USH2A: variants seen among roughly 807,000 people sequenced by gnomAD.
The protein encoded by USH2A is usherin.
A neutral mutation model predicts 538.9 loss-of-function variants in USH2A; 443 were observed. The ratio of observed to expected loss-of-function variants is 0.82; its 90% CI spans 0.76 to 0.89. The LOEUF (loss-of-function observed/expected upper bound fraction) is 0.89. Ranked by LOEUF, USH2A falls within the 40% of genes least tolerant of loss-of-function variation. USH2A has a pLI of 0.00. For synonymous variants in USH2A, 2,413 were observed against 2,273.5 expected, an observed-to-expected ratio of 1.06 and a Z score of -1.75; for missense variants, 6,633 against 6,324.8, an observed-to-expected ratio of 1.05 and a Z score of -1.65.
At position 215,992,892 on chromosome 1, in the gene USH2A, C is replaced by T. The variant is rs576000137; in HGVS notation, c.6805+128G>A. The T allele has an allele frequency of 2.8e-6, 4 of 1,449,460 alleles. No homozygotes were observed. In the East Asian group the frequency reaches 6.8e-5, roughly 25 times the overall value. The allele number at this position is 1,449,460 out of a possible 1,614,324, so 89.8% of individuals were successfully genotyped here. On this transcript the variant is annotated intron_variant, in intron 35 of 71. Coordinates refer to ENST00000307340, the MANE Select transcript of USH2A (RefSeq NM_206933.4). ...ATCTCCCCAACTAGAGACAATGATA[C>T]TATCTTAGGTATTTTATGTGCTAAA...
At chr1:215,697,470 T>C (rs1392924979) in intron 61 of USH2A, among the ~76,000 whole-genome samples, 2 of 152,150 alleles carry the variant, frequency 1.3e-5, no homozygotes, top group Non-Finnish European at 2.9e-5. Flanking sequence ...TTCAAATCTT[T>C]TGGGCTTCTC....
chr1:216,249,917 A>G (rs1343154670), intron 12 of USH2A, among the ~76,000 whole-genome samples: 3 of 152,030 alleles, frequency 2.0e-5, no homozygotes, highest in Admixed American at 6.6e-5. Flanking sequence ...AATCACTGCC[A>G]GGCATATTTT....
chr1:216,217,258 C>A, intron 15 of USH2A, 129 bp downstream of exon 15: 1 of 1,172,646 alleles, frequency 8.5e-7, no homozygotes. Context: ...TTTTTTCCAT[C>A]TCTTACCTAC....
intron 35 of USH2A, among the ~76,000 whole-genome samples, chr1:215,980,715 A>G (rs75674826): frequency 0.014 from 2,064 of 152,210 alleles, 48 homozygotes; most frequent in African/African-American, 0.047. Flanking sequence ...GTTATGTTGT[A>G]TATATAATTT....
In USH2A at chr1:215,674,957, G is replaced by T. The variant is rs762159022; in HGVS notation, c.12954C>A (p.Tyr4318Ter). The change falls in exon 63 of 72, where the codon TAC becomes TAA. Residue 4318 changes from tyrosine to a stop codon, truncating the protein, a stop_gained. Transcript: ENST00000307340. LOFTEE classifies it high-confidence loss of function. ...PFSFDPVTFN[Y>*]TDEELLPFST... ...AAAAAGGAAGAAGCTCTTCATCAGTGTAATTGAAAGTCACAGGATCAAAGC... is the reference window on the plus strand; with the variant it reads ...AAAAAGGAAGAAGCTCTTCATCAGTTTAATTGAAAGTCACAGGATCAAAGC... 11 of 1,614,174 alleles carry T rather than the reference G, an allele frequency of 6.8e-6. No individual in the cohort carries two copies. Among genetic ancestry groups the T allele is most frequent in the Non-Finnish European group, 9.3e-6 (11 of 1,180,020 alleles).
chr1:215,651,047 G>T (rs544719922), intron 64 of USH2A, among the ~76,000 whole-genome samples: 1 of 152,162 alleles, frequency 6.6e-6, no homozygotes, highest in Non-Finnish European at 1.5e-5. Flanking sequence ...GGCCGTTTAG[G>T]ATTTCAGAAT....
chr1:216,002,020 G>A (rs1411768199), intron 32 of USH2A, among the ~76,000 whole-genome samples: 3 of 152,092 alleles, frequency 2.0e-5, no homozygotes, highest in African/African-American at 7.2e-5. Context: ...TATACTTCAA[G>A]GACACTTTGA....
intron 4 of USH2A, among the ~76,000 whole-genome samples, chr1:216,328,371 TA>T (rs2037778486): frequency 1.3e-5 from 2 of 152,146 alleles, no homozygotes; most frequent in African/African-American, 4.8e-5. Flanking sequence ...GTTTGGCAAA[TA>T]TTTTTTCAGA....
In USH2A at chr1:215,790,168, C is replaced by A; in HGVS notation, c.10073G>T (p.Cys3358Phe). 1 of 1,614,032 alleles carries A rather than the reference C, an allele frequency of 6.2e-7. No homozygotes were observed. The highest frequency in any genetic ancestry group is 8.5e-7 in the Non-Finnish European group (1 of 1,179,988). Reference protein sequence around the residue: ...IKKNDPVPVKCCETELIPKSQ... With the variant: ...IKKNDPVPVKFCETELIPKSQ... ...CTTTGGAATAAGTTCAGTCTCACAG[C>A]ATTTTACTGGCACCGGGTCATTCTT... Residue 3358 changes from cysteine to phenylalanine, a missense_variant, in exon 51 of 72, where the codon TGC becomes TTC. By Grantham distance (205) the Cys-to-Phe change is radical. Transcript: ENST00000307340.
At chr1:216,099,984 C>T (rs1211494925) in intron 21 of USH2A, among the ~76,000 whole-genome samples, 2 of 152,122 alleles carry the variant, frequency 1.3e-5, no homozygotes. Context: ...GAACAAGAGC[C>T]TTTAATGGAA....
intron 3 of USH2A, among the ~76,000 whole-genome samples, chr1:216,405,053 G>C (rs557311523): frequency 5.9e-5 from 9 of 151,766 alleles, no homozygotes; most frequent in African/African-American, 2.2e-4. Flanking sequence ...TTTTCGTAAA[G>C]ACAAGGTGCC....
At chr1:215,750,434 A>G (rs2102734129) in intron 58 of USH2A, among the ~76,000 whole-genome samples, 1 of 152,252 alleles carries the variant, frequency 6.6e-6, no homozygotes, top group East Asian at 1.9e-4. Flanking sequence ...GGGGCTCAGA[A>G]ATAATTTCCA....
In USH2A at chr1:216,418,692, C is replaced by T. The variant is rs116367260; in HGVS notation, c.486-13G>A. ...TTCTATAACACACCTTAGGAAGCAA[C>T]CGGAAAAGAGAGAAAAGGTCAGCAT... On this transcript the variant is annotated splice_polypyrimidine_tract_variant and intron_variant, in intron 2 of 71. Transcript: ENST00000307340. The T allele has an allele frequency of 6.6e-4, 1,059 of 1,612,572 alleles. 8 individuals are homozygous for T. The African/African-American group carries it at 0.013, about 19-fold the overall frequency.
intron 21 of USH2A, chr1:216,174,654 C>A (rs1284073482): frequency 3.0e-6 from 3 of 985,342 alleles, no homozygotes; most frequent in African/African-American, 1.7e-5. Flanking sequence ...CTTGCTTTAC[C>A]ATAGTCCTGG....
chr1:216,398,555 T>TACACATAA (rs33993110), intron 3 of USH2A, among the ~76,000 whole-genome samples: 1 of 127,684 alleles, frequency 7.8e-6, no homozygotes, highest in Non-Finnish European at 1.8e-5. Context: ...AGCACACCCA[T>TACACATAA]ACACACACAC....
At chr1:215,671,850 C>A (rs1057377831) in intron 63 of USH2A, among the ~76,000 whole-genome samples, 1 of 152,024 alleles carries the variant, frequency 6.6e-6, no homozygotes, top group Non-Finnish European at 1.5e-5. Flanking sequence ...GAATGATCCC[C>A]CAGGAATGTT....
intron 3 of USH2A, among the ~76,000 whole-genome samples, chr1:216,380,197 G>C (rs1233406472): frequency 6.6e-6 from 1 of 152,016 alleles, no homozygotes; most frequent in African/African-American, 2.4e-5. Flanking sequence ...GATGCAAGAG[G>C]GTAGATATTG....
chr1:215,975,058 T>C (rs998565895), intron 35 of USH2A, among the ~76,000 whole-genome samples: 3 of 152,218 alleles, frequency 2.0e-5, no homozygotes, highest in African/African-American at 7.2e-5. Flanking sequence ...TGGTACTCGT[T>C]GTGGTTTTGA....
At chr1:215,685,174 C>A (rs887364625) in intron 61 of USH2A, among the ~76,000 whole-genome samples, 1 of 151,932 alleles carries the variant, frequency 6.6e-6, no homozygotes, top group East Asian at 1.9e-4. Flanking sequence ...GTAGACAAAT[C>A]AACACAAAAT....
Sources: gnomAD v4.1 joint callset for allele counts (sites outside exome capture counted in the v4.1 genomes callset) on GRCh38, gnomAD v4.1.1 for gene constraint, MANE v1.5 for transcripts, NCBI Gene and HGNC (gene_info 2026-07-23, HGNC 2026-07-21) for gene names.